The following RUNX1 variants were observed in gnomAD, a reference collection of about 807,000 sequenced individuals.
RUNX1 encodes runt-related transcription factor 1.
Under a neutral mutation model 42.8 loss-of-function variants are expected in RUNX1, and 19 were observed. That is an observed-to-expected ratio of 0.44 (90% CI 0.31 to 0.65). RUNX1 has a LOEUF of 0.65. Among genes scored for constraint, RUNX1 ranks in the 30% least tolerant of loss-of-function variants. The pLI is 0.07. For missense variants in RUNX1, 528 were observed against 672.0 expected, an observed-to-expected ratio of 0.79 and a Z score of 2.37; for synonymous variants, 271 against 289.4, an observed-to-expected ratio of 0.94 and a Z score of 0.64.
intron 2 of RUNX1, among the ~76,000 whole-genome samples, chr21:34,893,303 A>AT (rs2146455886): frequency 6.6e-6 from 1 of 152,290 alleles, no homozygotes; most frequent in East Asian, 1.9e-4. Context: ...GAACATTAGA[A>AT]TTCAAGGGAA....
At chr21:35,041,164 T>C (rs2059356352) in intron 2 of RUNX1, among the ~76,000 whole-genome samples, 1 of 152,208 alleles carries the variant, frequency 6.6e-6, no homozygotes, top group African/African-American at 2.4e-5. Context: ...ACGGAGGGTA[T>C]TCTAACGCCC....
At chr21:34,822,977 T>A (rs2056930355) in intron 7 of RUNX1, among the ~76,000 whole-genome samples, 1 of 152,230 alleles carries the variant, frequency 6.6e-6, no homozygotes, top group Non-Finnish European at 1.5e-5. Context: ...TGGACATATG[T>A]AGTCCTTCCA....
chr21:34,982,558 C>G (rs914497438), intron 2 of RUNX1, among the ~76,000 whole-genome samples: 1 of 151,944 alleles, frequency 6.6e-6, no homozygotes, highest in Non-Finnish European at 1.5e-5. Flanking sequence ...GATACTATTA[C>G]TATGTTTACT....
intron 7 of RUNX1, among the ~76,000 whole-genome samples, chr21:34,804,366 T>C (rs1024815819): frequency 4.0e-5 from 6 of 151,522 alleles, no homozygotes; most frequent in Admixed American, 3.3e-4. Context: ...TAAGGAGGAG[T>C]TCATAGAGAA....
chr21:34,969,324 T>C (rs747252057), intron 2 of RUNX1, among the ~76,000 whole-genome samples: 20 of 151,744 alleles, frequency 1.3e-4, no homozygotes, highest in Non-Finnish European at 1.8e-4. Context: ...CTCTGACAGG[T>C]TGTCTAGCCA....
intron 3 of RUNX1, chr21:34,888,421 T>C (rs1036543595): frequency 8.4e-6 from 9 of 1,066,484 alleles, no homozygotes; most frequent in East Asian, 9.9e-5. Context: ...AGGAAAACAA[T>C]TGGGGAAAAG....
chr21:34,907,493 C>G lies in RUNX1; in HGVS notation c.59-14530G>C, dbSNP rs749443792. Among the ~76,000 whole-genome samples, 8 of 152,150 alleles carry G rather than the reference C, an allele frequency of 5.3e-5. No homozygotes were observed. Among genetic ancestry groups the G allele is most frequent in the Non-Finnish European group, 1.0e-4 (7 of 68,034 alleles). ...TGTATCTCCCCTGAGCCCTGGCATA[C>G]TATTTACTTCTTACTGTTTCTTGCT... On this transcript the variant is annotated intron_variant, in intron 2 of 8. Transcript: ENST00000675419. The surrounding 1 kb of genome is among the most constrained non-coding windows in gnomAD (Gnocchi z 5.3).
chr21:34,983,659 G>C (rs1274739278), intron 2 of RUNX1, among the ~76,000 whole-genome samples: 1 of 152,198 alleles, frequency 6.6e-6, no homozygotes, highest in Non-Finnish European at 1.5e-5. Context: ...ACTACACACA[G>C]TCTGCCATAA....
chr21:35,022,317 G>T (rs2059204559), intron 2 of RUNX1, among the ~76,000 whole-genome samples: 1 of 152,200 alleles, frequency 6.6e-6, no homozygotes, highest in Non-Finnish European at 1.5e-5. Flanking sequence ...TTCCTTCTCG[G>T]TCTTACTCTT....
chr21:34,935,293 T>A (rs1217156018), intron 2 of RUNX1, among the ~76,000 whole-genome samples: 1 of 152,114 alleles, frequency 6.6e-6, no homozygotes, highest in East Asian at 1.9e-4. Flanking sequence ...GATTCCTAAC[T>A]GGGATGTGGT....
chr21:34,868,924 AACAGGAATAGGT>A (rs2057700216), intron 5 of RUNX1, among the ~76,000 whole-genome samples: 1 of 152,222 alleles, frequency 6.6e-6, no homozygotes, highest in Non-Finnish European at 1.5e-5. Context: ...GTTCTAATAA[AACAGGAATAGGT>A]ACTATATTTC....
intron 7 of RUNX1, among the ~76,000 whole-genome samples, chr21:34,810,706 G>A (rs1038981071): frequency 6.6e-6 from 1 of 152,148 alleles, no homozygotes; most frequent in African/African-American, 2.4e-5. Flanking sequence ...TTCCTGGGAG[G>A]GTGAAATGTG....
intron 2 of RUNX1, among the ~76,000 whole-genome samples, chr21:35,008,795 A>G (rs1471134648): frequency 2.0e-5 from 3 of 152,218 alleles, no homozygotes; most frequent in Non-Finnish European, 4.4e-5. Context: ...TGATTATGGA[A>G]TGATCATTAC....
intron 7 of RUNX1, among the ~76,000 whole-genome samples, chr21:34,803,549 A>G (rs75440822): frequency 4.4e-5 from 6 of 137,742 alleles, no homozygotes; most frequent in Non-Finnish European, 9.0e-5. Context: ...TCCGTCTCAG[A>G]AAAAAAAAAA....
intron 7 of RUNX1, among the ~76,000 whole-genome samples, chr21:34,824,121 C>T (rs2056951838): frequency 6.6e-6 from 1 of 152,138 alleles, no homozygotes; most frequent in African/African-American, 2.4e-5. Context: ...AACATTTAGT[C>T]AAACATTCAG....
intron 2 of RUNX1, among the ~76,000 whole-genome samples, chr21:35,006,787 G>A (rs1463956592): frequency 6.6e-6 from 1 of 152,176 alleles, no homozygotes; most frequent in Non-Finnish European, 1.5e-5. Context: ...GTGGGTGAAG[G>A]CTGAGCCTGA....
At chr21:35,000,777 C>T (rs1457337226) in intron 2 of RUNX1, among the ~76,000 whole-genome samples, 13 of 152,166 alleles carry the variant, frequency 8.5e-5, no homozygotes, top group Admixed American at 8.5e-4. Context: ...TTTGGTATGG[C>T]CTCCTAATCT....
chr21:34,858,032 C>T (rs1304249662), intron 6 of RUNX1, among the ~76,000 whole-genome samples: 1 of 152,192 alleles, frequency 6.6e-6, no homozygotes, highest in African/African-American at 2.4e-5. Context: ...AGGGAGTCAC[C>T]GAGCACAGCA....
intron 2 of RUNX1, among the ~76,000 whole-genome samples, chr21:34,938,286 CAAGT>C (rs1018307363): frequency 5.3e-5 from 8 of 152,130 alleles, no homozygotes; most frequent in Admixed American, 6.5e-5. Context: ...ATCAAAACAA[CAAGT>C]AAGTGACTCC....
Sources: allele counts gnomAD v4.1 joint callset (sites outside exome capture counted in the v4.1 genomes callset), GRCh38; gene constraint gnomAD v4.1.1; non-coding constraint Gnocchi (gnomAD v3.1); transcripts MANE v1.5; gene names NCBI Gene and HGNC (gene_info 2026-07-23, HGNC 2026-07-21).